Variants in HRH1 observed in about 807,000 individuals in gnomAD.
HRH1 encodes histamine H1 receptor.
In HRH1, 6 loss-of-function variants were observed where a neutral mutation model predicts 10.3. The ratio of observed to expected loss-of-function variants is 0.58; its 90% confidence interval spans 0.32 to 1.15. The LOEUF (loss-of-function observed/expected upper bound fraction) is 1.15, where lower values mean the gene tolerates loss of function less well. HRH1 is among the 50% of genes most tolerant of loss of function. The pLI is 0.05. For missense variants in HRH1, 514 were observed against 615.3 expected (o/e 0.84, Z 1.74); for synonymous variants, 242 against 236.7 (o/e 1.02, Z -0.21).
intron 1 of HRH1, among the ~76,000 whole-genome samples, chr3:11,189,584 C>T (rs865871650): frequency 6.6e-6 from 1 of 152,002 alleles, no homozygotes; most frequent in Admixed American, 6.6e-5. Context: ...GTTAACTGCT[C>T]TCATGGAATG....
At chr3:11,202,434 A>ATAAATAAATAAT (rs1314713595) in intron 1 of HRH1, among the ~76,000 whole-genome samples, 55 of 148,414 alleles carry the variant, frequency 3.7e-4, no homozygotes, top group African/African-American at 1.2e-3. Flanking sequence ...AAATAAATAA[A>ATAAATAAATAAT]TAATTAATTA....
At chr3:11,174,275 G>C (rs956880311) in intron 1 of HRH1, among the ~76,000 whole-genome samples, 1 of 152,194 alleles carries the variant, frequency 6.6e-6, no homozygotes, top group Non-Finnish European at 1.5e-5. Flanking sequence ...ACTTGATCAA[G>C]ACCAGATTCC....
At chr3:11,176,168 CAAA>C (rs3082255) in intron 1 of HRH1, among the ~76,000 whole-genome samples, 8 of 119,996 alleles carry the variant, frequency 6.7e-5, no homozygotes, top group African/African-American at 9.1e-5. Context: ...GAACCTGTCT[CAAA>C]AAAAAAAAAA....
chr3:11,145,497 T>C (rs1478801004), intron 1 of HRH1, among the ~76,000 whole-genome samples: 2 of 152,180 alleles, frequency 1.3e-5, no homozygotes, highest in Non-Finnish European at 2.9e-5. Flanking sequence ...CAGGCTCTCA[T>C]AGTGGGGCTG....
At chr3:11,208,136 A>T (rs1330206459) in intron 1 of HRH1, among the ~76,000 whole-genome samples, 2 of 147,628 alleles carry the variant, frequency 1.4e-5, no homozygotes, top group Non-Finnish European at 3.0e-5. Flanking sequence ...GCAATTTTAG[A>T]TTGACTCCAG....
rs200395120 is a variant in HRH1 at position 11,262,142 on chromosome 3, T to C, written c.*1641T>C. The stretch of plus-strand genomic sequence containing the variant: ...TGGTGTTTATGTTGCAATCTGGTTG[T>C]GATTTATATTTTAAAGCTTGGTGCT... On this transcript the variant is annotated 3_prime_UTR_variant, in exon 2 of 2. Transcript: ENST00000431010. The C allele has an allele frequency of 1.6e-4, 26 of 167,120 alleles. No individual in the cohort carries two copies. Among genetic ancestry groups the C allele is most frequent in the Non-Finnish European group, 3.1e-4 (21 of 68,132 alleles). The allele number at this position is 167,120 out of a possible 1,614,324, so 10.4% of individuals were successfully genotyped here.
At chr3:11,248,990 A>T in intron 1 of HRH1, among the ~76,000 whole-genome samples, 1 of 152,134 alleles carries the variant, frequency 6.6e-6, no homozygotes, top group East Asian at 1.9e-4. Flanking sequence ...CCAACCAGGC[A>T]TTTGGATCTT....
At chr3:11,169,116 A>C (rs1937105200) in intron 1 of HRH1, among the ~76,000 whole-genome samples, 1 of 152,184 alleles carries the variant, frequency 6.6e-6, no homozygotes, top group South Asian at 2.1e-4. Flanking sequence ...AGTTTGAATC[A>C]CGGCTCTGCC....
At chr3:11,221,536 C>T (rs947572031) in intron 1 of HRH1, among the ~76,000 whole-genome samples, 14 of 150,410 alleles carry the variant, frequency 9.3e-5, no homozygotes, top group East Asian at 1.9e-4. Flanking sequence ...GCCTGGGCAA[C>T]GGAGCGAGAC....
At chr3:11,182,033 A>G (rs1312148404) in intron 1 of HRH1, among the ~76,000 whole-genome samples, 2 of 152,088 alleles carry the variant, frequency 1.3e-5, no homozygotes, top group African/African-American at 4.8e-5. Context: ...CCCAGGCTAG[A>G]GTGCAGTGAC....
intron 1 of HRH1, among the ~76,000 whole-genome samples, chr3:11,140,067 A>G: frequency 6.6e-6 from 1 of 152,222 alleles, no homozygotes; most frequent in East Asian, 1.9e-4. Flanking sequence ...TTGCAGGCAC[A>G]TGGCTTAGTA....
intron 1 of HRH1, among the ~76,000 whole-genome samples, chr3:11,173,448 G>T (rs1237746032): frequency 6.6e-6 from 1 of 151,720 alleles, no homozygotes; most frequent in Non-Finnish European, 1.5e-5. Context: ...TGTCGCCCAG[G>T]CTGGAGTGCA....
At chr3:11,226,542 C>CTT (rs1486525457) in intron 1 of HRH1, 2 of 152,162 alleles carry the variant, frequency 1.3e-5, no homozygotes, top group Non-Finnish European at 2.9e-5. Flanking sequence ...GTTGAAGTTA[C>CTT]TTTTCCATAT....
intron 1 of HRH1, among the ~76,000 whole-genome samples, chr3:11,141,670 A>G (rs1161064474): frequency 6.6e-6 from 1 of 152,224 alleles, no homozygotes; most frequent in Non-Finnish European, 1.5e-5. Context: ...ATAAGAGACC[A>G]AAGTGGAAGC....
At chr3:11,196,767 T>G (rs1251753242) in intron 1 of HRH1, among the ~76,000 whole-genome samples, 3 of 152,026 alleles carry the variant, frequency 2.0e-5, no homozygotes, top group African/African-American at 4.8e-5. Context: ...TCAGCTAAAG[T>G]GTGATCCATG....
chr3:11,254,948 T>C (rs1939746310), intron 1 of HRH1, among the ~76,000 whole-genome samples: 1 of 152,302 alleles, frequency 6.6e-6, no homozygotes, highest in East Asian at 1.9e-4. Flanking sequence ...TCTAAGCTAA[T>C]TCGATTGGCT....
intron 1 of HRH1, among the ~76,000 whole-genome samples, chr3:11,239,557 C>G (rs1559282302): frequency 6.6e-6 from 1 of 152,140 alleles, no homozygotes; most frequent in East Asian, 1.9e-4. Context: ...ATTCCTTATG[C>G]CTTTGGTGCT....
chr3:11,168,641 G>C (rs1040489038), intron 1 of HRH1, among the ~76,000 whole-genome samples: 4 of 152,222 alleles, frequency 2.6e-5, no homozygotes, highest in Non-Finnish European at 4.4e-5. Context: ...TTGTGCCTGC[G>C]TCCTGGGGCA....
intron 1 of HRH1, among the ~76,000 whole-genome samples, chr3:11,156,463 G>A (rs1189988603): frequency 6.6e-6 from 1 of 152,162 alleles, no homozygotes; most frequent in Non-Finnish European, 1.5e-5. Flanking sequence ...AGAATTCTGT[G>A]TTGGCACTTT....
Sources: gnomAD v4.1 joint callset for allele counts (sites outside exome capture counted in the v4.1 genomes callset) on GRCh38, gnomAD v4.1.1 for gene constraint, MANE v1.5 for transcripts, NCBI Gene and HGNC (gene_info 2026-07-23, HGNC 2026-07-21) for gene names.